TASP1: variants seen among roughly 807,000 people sequenced by gnomAD.
TASP1 encodes the protein taspase 1.
A neutral mutation model predicts 56.6 loss-of-function variants in TASP1; 16 were observed. That is an observed-to-expected ratio of 0.28 (90% confidence interval 0.19 to 0.43). The LOEUF is 0.43. Among genes scored for constraint, TASP1 ranks in the 20% least tolerant of loss-of-function variants. The pLI is 1.00. For synonymous variants in TASP1, 179 were observed against 184.2 expected (o/e 0.97, Z 0.23); for missense variants, 393 against 511.6 (o/e 0.77, Z 2.24).
At chr20:13,504,945 A>G (rs972340818) in intron 10 of TASP1, among the ~76,000 whole-genome samples, 3 of 152,138 alleles carry the variant, frequency 2.0e-5, no homozygotes, top group Admixed American at 6.6e-5. Flanking sequence ...CATCCCTACT[A>G]TCAATAATTA....
intron 11 of TASP1, among the ~76,000 whole-genome samples, chr20:13,471,569 C>T (rs769937949): frequency 6.6e-6 from 1 of 152,118 alleles, no homozygotes; most frequent in Admixed American, 6.6e-5. Context: ...TAGTACATGA[C>T]CCTCCTTTCT....
chr20:13,533,460 A>G (rs2045299637), intron 9 of TASP1, among the ~76,000 whole-genome samples: 1 of 152,190 alleles, frequency 6.6e-6, no homozygotes. Context: ...AACTGGGGAC[A>G]AGCAAATTTT....
chr20:13,246,629 C>A, the TASP1 span, among the ~76,000 whole-genome samples: 1 of 152,170 alleles, frequency 6.6e-6, no homozygotes, highest in African/African-American at 2.4e-5. Flanking sequence ...AGATGAGAAA[C>A]CTGAGACCCG....
At chr20:13,497,015 A>G (rs1227497255) in intron 10 of TASP1, among the ~76,000 whole-genome samples, 2 of 152,246 alleles carry the variant, frequency 1.3e-5, no homozygotes, top group Admixed American at 6.5e-5. Context: ...TCAAATGACT[A>G]CATGTGAGCT....
chr20:13,272,989 A>G, the TASP1 span, among the ~76,000 whole-genome samples: 2 of 152,216 alleles, frequency 1.3e-5, no homozygotes, highest in African/African-American at 4.8e-5. Flanking sequence ...CTGAGCTATA[A>G]TATCAGTGTA....
At position 13,483,372 on chromosome 20, in the gene TASP1, G is replaced by T. The variant is rs756286310; in HGVS notation, c.875-35C>A. On this transcript the variant is annotated intron_variant, in intron 10 of 13. Coordinates refer to ENST00000337743, the MANE Select transcript of TASP1 (RefSeq NM_017714.3). ...CAAAGAAACCAACAGTTGAGGAAAAGCAGCACCGAACACCCTGCTTATTTC... is the reference window on the plus strand; with the variant it reads ...CAAAGAAACCAACAGTTGAGGAAAATCAGCACCGAACACCCTGCTTATTTC... The T allele has an allele frequency of 1.1e-5, 16 of 1,469,214 alleles. No homozygotes were observed. The East Asian group carries it at 1.5e-4, about 14-fold the overall frequency. The allele number at this position is 1,469,214 out of a possible 1,614,324, so 91.0% of individuals were successfully genotyped here.
the TASP1 span, among the ~76,000 whole-genome samples, chr20:13,277,824 T>C: frequency 1.3e-5 from 2 of 152,114 alleles, no homozygotes; most frequent in Non-Finnish European, 2.9e-5. Flanking sequence ...GAGTAGACTC[T>C]GGGGTTGAAA....
the TASP1 span, among the ~76,000 whole-genome samples, chr20:13,251,989 C>G: frequency 0.041 from 6,171 of 152,204 alleles, 194 homozygotes; most frequent in African/African-American, 0.079. Context: ...TTTTCACAGG[C>G]TGAGGTATAA....
chr20:13,235,283 C>T, the TASP1 span, among the ~76,000 whole-genome samples: 2 of 152,200 alleles, frequency 1.3e-5, no homozygotes, highest in South Asian at 4.1e-4. Context: ...GATTACACAT[C>T]AGTCATATCT....
chr20:13,157,701 C>A, the TASP1 span, among the ~76,000 whole-genome samples: 1 of 151,818 alleles, frequency 6.6e-6, no homozygotes, highest in East Asian at 1.9e-4. Flanking sequence ...GGAAACAGAA[C>A]AGGTTAGTTA....
chr20:13,252,755 C>T, the TASP1 span, among the ~76,000 whole-genome samples: 1 of 142,692 alleles, frequency 7.0e-6, no homozygotes, highest in Non-Finnish European at 1.5e-5. Flanking sequence ...GACTCTGTCT[C>T]AAAAAAAAAA....
the TASP1 span, chr20:13,117,483 G>T: frequency 6.4e-7 from 1 of 1,551,796 alleles, no homozygotes; most frequent in South Asian, 1.2e-5. Flanking sequence ...TGTTAGTTAT[G>T]AGCATTTCTC....
At chr20:13,110,135 C>G in the TASP1 span, 1 of 1,613,252 alleles carries the variant, frequency 6.2e-7, no homozygotes, top group Non-Finnish European at 8.5e-7. Context: ...AGAGAAGCTC[C>G]TGAGAGATGC....
the TASP1 span, among the ~76,000 whole-genome samples, chr20:13,114,067 G>T: frequency 6.6e-6 from 1 of 152,182 alleles, no homozygotes; most frequent in Non-Finnish European, 1.5e-5. Flanking sequence ...TGGCCCTGAT[G>T]GGACAAAGGC....
intron 13 of TASP1, among the ~76,000 whole-genome samples, chr20:13,405,092 A>T (rs1216685458): frequency 6.6e-6 from 1 of 152,230 alleles, no homozygotes; most frequent in African/African-American, 2.4e-5. Context: ...ACCTAATTTT[A>T]GAAAAATCAC....
chr20:13,299,610 C>A, the TASP1 span: 2 of 763,044 alleles, frequency 2.6e-6, no homozygotes, highest in Non-Finnish European at 4.1e-6. The surrounding 1 kb of genome is among the most constrained non-coding windows in gnomAD (Gnocchi z 5.8). Flanking sequence ...ACGCTAGGGG[C>A]GTGTGCCACG....
intron 4 of TASP1, among the ~76,000 whole-genome samples, chr20:13,611,457 C>T (rs1273776858): frequency 6.6e-6 from 1 of 152,118 alleles, no homozygotes; most frequent in Non-Finnish European, 1.5e-5. Flanking sequence ...TTTGAAAAGT[C>T]TAGTTTGATT....
At chr20:13,554,997 T>C (rs2046106888) in intron 8 of TASP1, among the ~76,000 whole-genome samples, 1 of 152,198 alleles carries the variant, frequency 6.6e-6, no homozygotes, top group South Asian at 2.1e-4. Flanking sequence ...TAGTACATGA[T>C]GTTACTTGAC....
chr20:13,483,798 A>G (rs1322991843), intron 10 of TASP1, among the ~76,000 whole-genome samples: 1 of 152,220 alleles, frequency 6.6e-6, no homozygotes, highest in Non-Finnish European at 1.5e-5. Context: ...AAAAGCCAAA[A>G]TTGACAAATG....
Sources: allele counts gnomAD v4.1 joint callset (sites outside exome capture counted in the v4.1 genomes callset), GRCh38; gene constraint gnomAD v4.1.1; non-coding constraint Gnocchi (gnomAD v3.1); transcripts MANE v1.5; gene names NCBI Gene and HGNC (gene_info 2026-07-23, HGNC 2026-07-21).